EYS: variants seen among roughly 807,000 people sequenced by gnomAD.
EYS encodes EGF-like photoreceptor maintenance factor, also known as protein eyes shut homolog.
EYS carries 250 observed loss-of-function variants against 282.1 expected under a neutral mutation model. The observed-to-expected ratio is 0.89, with a 90% confidence interval of 0.80 to 0.98. The LOEUF (loss-of-function observed/expected upper bound fraction) is 0.98, where lower values mean the gene tolerates loss of function less well. Ranked by LOEUF, EYS falls within the 50% of genes least tolerant of loss-of-function variation. EYS has a pLI of 0.00. For missense variants in EYS, 4,016 were observed against 3,709.0 expected (o/e 1.08, Z -2.15); for synonymous variants, 1,355 against 1,282.9 (o/e 1.06, Z -1.20).
At position 64,468,461 on chromosome 6, in the gene EYS, ATAT is replaced by A. The variant is rs561872846; in HGVS notation, c.5645-29112_5645-29110del. Reference sequence around the variant, plus strand: ...TGATACACAGATATGAGAAACCAAAATATTATGACAACTCCAAAGTAACAAAAT... The same window carrying A: ...TGATACACAGATATGAGAAACCAAAATATGACAACTCCAAAGTAACAAAAT... On this transcript the variant is annotated intron_variant, in intron 26 of 42. Coordinates refer to ENST00000503581, the MANE Select transcript of EYS (RefSeq NM_001142800.2). Among the ~76,000 whole-genome samples, 18 of 152,328 alleles carry A rather than the reference ATAT, an allele frequency of 1.2e-4. 1 individual carries two copies. In the South Asian group the frequency reaches 3.7e-3, roughly 32 times the overall value.
chr6:63,925,981 T>C (rs1764706179), intron 35 of EYS, among the ~76,000 whole-genome samples: 2 of 152,192 alleles, frequency 1.3e-5, no homozygotes, highest in African/African-American at 4.8e-5. Context: ...GCATTAGCTA[T>C]TTCTCCTAAT....
intron 12 of EYS, among the ~76,000 whole-genome samples, chr6:65,283,844 G>C (rs1399149372): frequency 6.6e-6 from 1 of 152,022 alleles, no homozygotes; most frequent in Non-Finnish European, 1.5e-5. Flanking sequence ...TTTATGGGCT[G>C]TATTTGAGCT....
chr6:64,751,991 GA>G (rs2149970414), intron 22 of EYS, among the ~76,000 whole-genome samples: 1 of 151,878 alleles, frequency 6.6e-6, no homozygotes, highest in East Asian at 1.9e-4. Context: ...GACTCATTAA[GA>G]AAAAAATTAA....
chr6:64,889,847 T>A (rs9363294), intron 18 of EYS, among the ~76,000 whole-genome samples: 126,134 of 151,948 alleles, frequency 0.83, 52,370 homozygotes, highest in East Asian at 0.85. Context: ...GGCACCTTAA[T>A]AAAAGAACAG....
rs558533360 is a variant in EYS at position 63,835,980 on chromosome 6, G to T, written c.7228+28206C>A. On this transcript the variant is annotated intron_variant, in intron 36 of 42. Coordinates refer to ENST00000503581, the MANE Select transcript of EYS (RefSeq NM_001142800.2). ...TATATCATGTCAATGTTCATCTGTT[G>T]GCAGACATTTGAGTTGCTCCCATTA... 2.0e-5 allele frequency among the ~76,000 whole-genome samples: 3 copies of T among 152,018 alleles called. No individual in the cohort carries two copies. The South Asian group carries it at 6.2e-4, about 32-fold the overall frequency.
At chr6:65,542,507 GTGT>G (rs1225716390) in intron 2 of EYS, among the ~76,000 whole-genome samples, 1 of 141,192 alleles carries the variant, frequency 7.1e-6, no homozygotes. Context: ...GTGTGTGTGT[GTGT>G]TATGTTTGGA....
intron 22 of EYS, among the ~76,000 whole-genome samples, chr6:64,627,279 A>G (rs1767640212): frequency 6.6e-6 from 1 of 152,242 alleles, no homozygotes; most frequent in Non-Finnish European, 1.5e-5. Flanking sequence ...TGCTATAATC[A>G]GCATATAGAT....
At position 64,388,741 on chromosome 6, in the gene EYS, T is replaced by A. The variant is rs1561965169; in HGVS notation, c.6027A>T (p.Lys2009Asn). The change falls in exon 29 of 43, where the codon AAA (lysine) becomes AAT (asparagine). Residue 2009 changes from lysine (K) to asparagine (N), a missense_variant. Coordinates refer to ENST00000503581, the MANE Select transcript of EYS (RefSeq NM_001142800.2). ...ATCCACCAATGAAGACAGATCCTGATTTTGGCAGGGGTTTTCCGAGTACAT... is the reference window on the plus strand; with the variant it reads ...ATCCACCAATGAAGACAGATCCTGAATTTGGCAGGGGTTTTCCGAGTACAT... Reference protein sequence around the residue: ...INHVLGKPLPKSGSVFIGGFP... With the variant: ...INHVLGKPLPNSGSVFIGGFP... 6.5e-7 allele frequency: 1 copy of A among 1,544,814 alleles called. No homozygotes were observed. The highest frequency in any genetic ancestry group is 8.7e-7 in the Non-Finnish European group (1 of 1,143,702).
chr6:65,381,647 A>C (rs533354331), intron 8 of EYS, among the ~76,000 whole-genome samples: 36 of 152,174 alleles, frequency 2.4e-4, no homozygotes, highest in Non-Finnish European at 8.8e-5. Flanking sequence ...AATTAAATTT[A>C]AAAATTTGAG....
intron 7 of EYS, among the ~76,000 whole-genome samples, chr6:65,391,104 T>C (rs1766012738): frequency 6.6e-6 from 1 of 152,070 alleles, no homozygotes; most frequent in Non-Finnish European, 1.5e-5. Context: ...CACATGTCTG[T>C]ACTTATTATT....
intron 35 of EYS, among the ~76,000 whole-genome samples, chr6:63,893,230 A>G (rs1773452941): frequency 6.6e-6 from 1 of 152,210 alleles, no homozygotes; most frequent in Non-Finnish European, 1.5e-5. Context: ...TACTGGGTAT[A>G]TACCCAAAGG....
At chr6:64,717,175 A>T (rs1351680675) in intron 22 of EYS, among the ~76,000 whole-genome samples, 1 of 152,212 alleles carries the variant, frequency 6.6e-6, no homozygotes, top group Admixed American at 6.5e-5. Context: ...AGTGGACCAC[A>T]TGTGGACTAA....
chr6:64,312,163 G>A (rs1234576091), intron 29 of EYS, among the ~76,000 whole-genome samples: 1 of 152,036 alleles, frequency 6.6e-6, no homozygotes, highest in African/African-American at 2.4e-5. Context: ...AGCCATCTGA[G>A]GTCGACCTAG....
intron 31 of EYS, among the ~76,000 whole-genome samples, chr6:64,152,326 T>C (rs950194126): frequency 6.6e-6 from 1 of 152,158 alleles, no homozygotes; most frequent in South Asian, 2.1e-4. Flanking sequence ...TCTTTATCAC[T>C]CTGGGTATTT....
chr6:64,212,087 G>C (rs1350775118), intron 31 of EYS, among the ~76,000 whole-genome samples: 1 of 151,974 alleles, frequency 6.6e-6, no homozygotes, highest in Non-Finnish European at 1.5e-5. Context: ...CTGCACTCTA[G>C]CCTGGGTAAC....
chr6:65,106,721 T>C (rs6455024), intron 12 of EYS, among the ~76,000 whole-genome samples: 151,012 of 152,180 alleles, frequency 0.99, 74,930 homozygotes, highest in East Asian at 1. Flanking sequence ...TCACCGTTTT[T>C]AAGGTATATC....
At chr6:65,329,796 A>G in intron 11 of EYS, 6 of 982,640 alleles carry the variant, frequency 6.1e-6, no homozygotes, top group Non-Finnish European at 7.2e-6. Flanking sequence ...ATTATACTAT[A>G]CTTTTGTGCC....
intron 5 of EYS, among the ~76,000 whole-genome samples, chr6:65,424,336 T>A (rs114292737): frequency 6.6e-6 from 1 of 152,032 alleles, no homozygotes; most frequent in East Asian, 1.9e-4. Flanking sequence ...ATTATCTTAT[T>A]ATTTTCTTTA....
intron 32 of EYS, among the ~76,000 whole-genome samples, chr6:64,081,566 A>C (rs1771968653): frequency 6.6e-6 from 1 of 152,190 alleles, no homozygotes; most frequent in Admixed American, 6.6e-5. Context: ...TATGCTCTGA[A>C]ACATTTGCAG....
Sources: gnomAD v4.1 joint callset for allele counts (sites outside exome capture counted in the v4.1 genomes callset) on GRCh38, gnomAD v4.1.1 for gene constraint, MANE v1.5 for transcripts, NCBI Gene and HGNC (gene_info 2026-07-23, HGNC 2026-07-21) for gene names.